Variants in FGF12 observed in about 807,000 individuals in gnomAD.
The protein encoded by FGF12 is fibroblast growth factor 12B.
A neutral mutation model predicts 23.6 loss-of-function variants in FGF12; 14 were observed. The ratio of observed to expected loss-of-function variants is 0.59; its 90% CI spans 0.39 to 0.93. FGF12 has a LOEUF of 0.93. FGF12 is among the 40% of genes least tolerant of loss of function. The pLI is 0.00. For missense variants in FGF12, 175 were observed against 217.8 expected (o/e 0.80, Z 1.24); for synonymous variants, 62 against 77.3 (o/e 0.80, Z 1.04).
chr3:192,679,606 C>T (rs1162178750), intron 2 of FGF12, among the ~76,000 whole-genome samples: 1 of 151,368 alleles, frequency 6.6e-6, no homozygotes, highest in Non-Finnish European at 1.5e-5. Context: ...ACCCTTTCTC[C>T]TCACCGTCCC....
At chr3:192,613,092 T>A (rs974381271) in intron 2 of FGF12, among the ~76,000 whole-genome samples, 4 of 152,000 alleles carry the variant, frequency 2.6e-5, no homozygotes, top group African/African-American at 9.6e-5. Flanking sequence ...TTTTTTCTGA[T>A]CTGTTTTTTG....
At position 192,360,386 on chromosome 3, in the gene FGF12, A is replaced by T; in HGVS notation, c.124+42T>A. On this transcript the variant is annotated intron_variant, in intron 3 of 5. Transcript: ENST00000445105. The surrounding 1 kb of genome is among the most constrained non-coding windows in gnomAD (Gnocchi z 4.3). ...AAGTATAAGATACACTGGGCCCTACATTTGATTTGTAATCAGATTGTAAGA... is the reference window on the plus strand; with the variant it reads ...AAGTATAAGATACACTGGGCCCTACTTTTGATTTGTAATCAGATTGTAAGA... The T allele has an allele frequency of 7.2e-7, 1 of 1,386,970 alleles. No homozygotes were observed. Among genetic ancestry groups the T allele is most frequent in the Non-Finnish European group, 1.0e-6 (1 of 973,516 alleles). The allele number at this position is 1,386,970 out of a possible 1,614,324, so 85.9% of individuals were successfully genotyped here.
At position 192,427,877 on chromosome 3, in the gene FGF12, T is replaced by C. The variant is rs1721741660; in HGVS notation, c.14-67339A>G. 1.3e-5 allele frequency among the ~76,000 whole-genome samples: 2 copies of C among 152,224 alleles called. 1 individual carries two copies. Among genetic ancestry groups the C allele is most frequent in the Non-Finnish European group, 2.9e-5 (2 of 68,042 alleles). ...AAGTAGGTATGGGGGACACAGCCTC[T>C]TCTCATGCCTGCTGGCATCTGAAAC... On this transcript the variant is annotated intron_variant, in intron 2 of 5. Transcript: ENST00000445105.
At chr3:192,287,118 A>G (rs1462550482) in intron 4 of FGF12, among the ~76,000 whole-genome samples, 3 of 152,056 alleles carry the variant, frequency 2.0e-5, no homozygotes, top group Non-Finnish European at 4.4e-5. Context: ...TTTTTCTCCA[A>G]ATAAATTTTG....
intron 2 of FGF12, among the ~76,000 whole-genome samples, chr3:192,367,856 A>C (rs1377882950): frequency 6.6e-6 from 1 of 152,204 alleles, no homozygotes; most frequent in African/African-American, 2.4e-5. Context: ...CCATTGGTCA[A>C]ATGAAGACGA....
intron 2 of FGF12, among the ~76,000 whole-genome samples, chr3:192,439,784 G>A (rs747881501): frequency 1.3e-5 from 2 of 151,998 alleles, no homozygotes; most frequent in Non-Finnish European, 2.9e-5. Flanking sequence ...AGACCAGCCT[G>A]GCAAAGATGG....
chr3:192,295,111 C>T (rs956528147), intron 4 of FGF12, among the ~76,000 whole-genome samples: 1 of 152,200 alleles, frequency 6.6e-6, no homozygotes, highest in Admixed American at 6.5e-5. Context: ...TTGCCTCATT[C>T]TCTTGCTAGC....
At chr3:192,203,111 T>A (rs1717458006) in intron 4 of FGF12, among the ~76,000 whole-genome samples, 1 of 151,448 alleles carries the variant, frequency 6.6e-6, no homozygotes, top group South Asian at 2.1e-4. Context: ...TTTTTAAAAA[T>A]GTACTTAAAA....
At chr3:192,179,863 C>T (rs949646062) in intron 4 of FGF12, among the ~76,000 whole-genome samples, 14 of 151,992 alleles carry the variant, frequency 9.2e-5, no homozygotes, top group Non-Finnish European at 7.4e-5. Flanking sequence ...GATTATTAGA[C>T]TAGACAATGA....
In FGF12 at chr3:192,360,751, C is replaced by T; in HGVS notation, c.14-213G>A. ...AACACTTTTAGCAGTAAACTAAATG[C>T]AAATAAATAAAAGCTAATTATGATT... On this transcript the variant is annotated intron_variant, in intron 2 of 5. Transcript: ENST00000445105. The surrounding 1 kb of genome is among the most constrained non-coding windows in gnomAD (Gnocchi z 4.3). The T allele has an allele frequency of 1.8e-6, 1 of 548,238 alleles. No individual in the cohort carries two copies. The highest frequency in any genetic ancestry group is 2.4e-5 in the South Asian group (1 of 42,072). The allele number at this position is 548,238 out of a possible 1,614,324, so 34.0% of individuals were successfully genotyped here.
intron 2 of FGF12, among the ~76,000 whole-genome samples, chr3:192,504,265 T>C (rs914762281): frequency 6.6e-6 from 1 of 152,028 alleles, no homozygotes; most frequent in African/African-American, 2.4e-5. Context: ...CGTGATGAAA[T>C]AACCTGTACC....
chr3:192,515,834 C>CTTTTTT (rs10681949), intron 2 of FGF12, among the ~76,000 whole-genome samples: 1 of 147,660 alleles, frequency 6.8e-6, no homozygotes. Flanking sequence ...CCCCTTGACT[C>CTTTTTT]TTTTTTTTTT....
chr3:192,376,479 C>T (rs2108748553), intron 2 of FGF12, among the ~76,000 whole-genome samples: 1 of 152,174 alleles, frequency 6.6e-6, no homozygotes, highest in South Asian at 2.1e-4. Context: ...TCTCCTGCCT[C>T]AGCCTCCCGA....
chr3:192,198,972 G>A (rs1035796003), intron 4 of FGF12, among the ~76,000 whole-genome samples: 1 of 152,128 alleles, frequency 6.6e-6, no homozygotes, highest in Non-Finnish European at 1.5e-5. Context: ...TTTTACACAT[G>A]TGTTGTTTAG....
intron 2 of FGF12, among the ~76,000 whole-genome samples, chr3:192,667,610 A>T (rs1313089828): frequency 2.5e-5 from 1 of 40,788 alleles, no homozygotes; most frequent in African/African-American, 1.2e-4. Context: ...GACTCCGTAA[A>T]AAAAAAAAAA....
At chr3:192,706,209 T>A (rs1245982184) in intron 2 of FGF12, among the ~76,000 whole-genome samples, 3 of 152,186 alleles carry the variant, frequency 2.0e-5, no homozygotes, top group African/African-American at 7.2e-5. Context: ...ATGTATATTA[T>A]TTGGGCCCAC....
chr3:192,633,355 C>T (rs1286207615), intron 2 of FGF12, among the ~76,000 whole-genome samples: 1 of 152,048 alleles, frequency 6.6e-6, no homozygotes, highest in Non-Finnish European at 1.5e-5. Flanking sequence ...CTCTCCTCGT[C>T]TTATCAATCA....
At chr3:192,319,249 G>A (rs1278268299) in intron 4 of FGF12, among the ~76,000 whole-genome samples, 10 of 152,126 alleles carry the variant, frequency 6.6e-5, no homozygotes, top group Non-Finnish European at 1.2e-4. Flanking sequence ...TAATTGTGGT[G>A]TATAAACTAT....
chr3:192,251,591 G>A (rs1712015685), intron 4 of FGF12, among the ~76,000 whole-genome samples: 1 of 151,968 alleles, frequency 6.6e-6, no homozygotes, highest in Non-Finnish European at 1.5e-5. Flanking sequence ...TAACCCAAAT[G>A]TCTATCATCA....
Sources: gnomAD v4.1 joint callset for allele counts (sites outside exome capture counted in the v4.1 genomes callset) on GRCh38, gnomAD v4.1.1 for gene constraint, Gnocchi (gnomAD v3.1) non-coding constraint, MANE v1.5 for transcripts, NCBI Gene and HGNC (gene_info 2026-07-23, HGNC 2026-07-21) for gene names.